N4BP2L2: variants seen among roughly 807,000 people sequenced by gnomAD.
N4BP2L2 encodes the protein NEDD4 binding protein 2 like 2, also known as NEDD4-binding protein 2-like 2.
A neutral mutation model predicts 56.2 loss-of-function variants in N4BP2L2; 50 were observed. The observed-to-expected ratio is 0.89, with a 90% CI of 0.71 to 1.13. N4BP2L2 has a LOEUF of 1.13. Ranked by LOEUF, N4BP2L2 falls within the 50% of genes most tolerant of loss-of-function variation. The probability of loss-of-function intolerance (pLI) is 0.00; values close to 1 mark genes in which losing one functional copy is unlikely to be tolerated. For missense variants in N4BP2L2, 689 were observed against 693.8 expected, an observed-to-expected ratio of 0.99 and a Z score of 0.08; for synonymous variants, 203 against 223.6, an observed-to-expected ratio of 0.91 and a Z score of 0.82.
chr13:32,536,781 G>T (rs980564944), exon 2 of N4BP2L2: 2 of 1,614,132 alleles, frequency 1.2e-6, no homozygotes, highest in Non-Finnish European at 1.7e-6. Flanking sequence ...ATCTCATCAT[G>T]CAAAGGTCTA....
intron 2 of N4BP2L2, among the ~76,000 whole-genome samples, chr13:32,529,634 A>G (rs2054052727): frequency 6.7e-6 from 1 of 149,648 alleles, no homozygotes; most frequent in Admixed American, 6.7e-5. Context: ...CACCTTGTCT[A>G]GATACTTTAT....
At chr13:32,529,637 T>C (rs2054054969) in intron 2 of N4BP2L2, among the ~76,000 whole-genome samples, 1 of 147,066 alleles carries the variant, frequency 6.8e-6, no homozygotes, top group Non-Finnish European at 1.5e-5. Flanking sequence ...CTTGTCTAGA[T>C]ACTTTATGCT....
chr13:32,451,761 G>C (rs986233772), intron 6 of N4BP2L2, among the ~76,000 whole-genome samples: 3 of 151,236 alleles, frequency 2.0e-5, no homozygotes, highest in African/African-American at 7.3e-5. Flanking sequence ...ATGTTCCCCA[G>C]GCTGGTCTTG....
At chr13:32,496,732 G>A (rs1207277651) in intron 6 of N4BP2L2, among the ~76,000 whole-genome samples, 2 of 151,996 alleles carry the variant, frequency 1.3e-5, no homozygotes, top group Non-Finnish European at 2.9e-5. Context: ...ATCCAAAACC[G>A]GTACTTATCT....
At chr13:32,472,629 T>C (rs1227281639) in intron 6 of N4BP2L2, among the ~76,000 whole-genome samples, 2 of 152,212 alleles carry the variant, frequency 1.3e-5, no homozygotes, top group African/African-American at 4.8e-5. Flanking sequence ...AAATATGGCC[T>C]ATTCAAAGTT....
At chr13:32,535,117 T>A (rs986481089) in intron 2 of N4BP2L2, among the ~76,000 whole-genome samples, 10 of 152,188 alleles carry the variant, frequency 6.6e-5, no homozygotes, top group African/African-American at 2.4e-4. Flanking sequence ...TTTCCTTGGG[T>A]CATCTCATTT....
chr13:32,525,488 T>G (rs563302592), intron 3 of N4BP2L2: 20 of 152,212 alleles, frequency 1.3e-4, no homozygotes, highest in Non-Finnish European at 2.2e-4. Flanking sequence ...TTCTACAAAG[T>G]TTTTTTAAAA....
At chr13:32,532,652 G>A (rs1323016486) in intron 2 of N4BP2L2, among the ~76,000 whole-genome samples, 3 of 145,304 alleles carry the variant, frequency 2.1e-5, no homozygotes, top group African/African-American at 7.7e-5. Flanking sequence ...GTGCAGTGGT[G>A]TGATCTCGGC....
intron 6 of N4BP2L2, among the ~76,000 whole-genome samples, chr13:32,496,539 C>T (rs140512038): frequency 1.1e-3 from 168 of 152,316 alleles, no homozygotes; most frequent in African/African-American, 3.9e-3. Flanking sequence ...TTCTCTTTTC[C>T]TCCCACTGCG....
intron 3 of N4BP2L2, among the ~76,000 whole-genome samples, chr13:32,526,282 C>G (rs139086836): frequency 5.9e-5 from 9 of 152,234 alleles, no homozygotes; most frequent in African/African-American, 1.9e-4. Context: ...TTGAGGACTT[C>G]GTTTGGATCC....
rs777380125 is a variant in N4BP2L2, at chr13:32,442,394, G to GA, written c.2097dup (p.Pro700SerfsTer8). ...GCAAAAGAAAACAACTTACCCATTG[G>GA]AACGCCTGGAGATCCAAAAAGCTTT... On this transcript the variant is annotated frameshift_variant, in exon 7 of 10. Transcript: ENST00000357505. LOFTEE classifies it high-confidence loss of function. 1 of 1,579,056 alleles carries GA rather than the reference G, an allele frequency of 6.3e-7. No homozygotes were observed. Among genetic ancestry groups the GA allele is most frequent in the African/African-American group, 1.4e-5 (1 of 73,272 alleles).
intron 2 of N4BP2L2, 60 bp from the exon 3 acceptor site, chr13:32,527,592 A>G (rs992658592): frequency 3.9e-6 from 6 of 1,533,992 alleles, no homozygotes; most frequent in Non-Finnish European, 5.2e-6. Context: ...TCAGAAATAA[A>G]CTATCAGAAA....
chr13:32,480,600 G>C (rs2084437867), intron 6 of N4BP2L2: 1 of 1,285,332 alleles, frequency 7.8e-7, no homozygotes, highest in Non-Finnish European at 1.0e-6. Context: ...CTGAGTTGCT[G>C]TCTTACTAGG....
intron 6 of N4BP2L2, chr13:32,477,732 T>C: frequency 2.0e-6 from 1 of 499,852 alleles, no homozygotes; most frequent in Non-Finnish European, 3.2e-6. Flanking sequence ...TTAGCTTAGA[T>C]GGAACCTTGA....
Position 32,538,741 on chromosome 13 carries a change from A to T in N4BP2L2, c.-124T>A, listed in dbSNP as rs893042028. ...CTAAAGCCGAGGTCTGGAGGGACTA[A>T]AAGCCCACCTCTCAGAATCGCGGTA... On this transcript the variant is annotated 5_prime_UTR_variant, in exon 1 of 6. Transcript: ENST00000267068. 9.1e-6 allele frequency: 9 copies of T among 985,360 alleles called. No homozygotes were observed. The African/African-American group carries it at 1.6e-4, about 17-fold the overall frequency. The allele number at this position is 985,360 out of a possible 1,614,324, so 61.0% of individuals were successfully genotyped here. A position where few individuals can be genotyped will look rare whatever the true frequency, so the allele number is the denominator to read the frequency against.
At chr13:32,490,979 C>G (rs2086935166) in intron 6 of N4BP2L2, among the ~76,000 whole-genome samples, 1 of 142,856 alleles carries the variant, frequency 7.0e-6, no homozygotes, top group Non-Finnish European at 1.5e-5. Context: ...AGTAAATCCT[C>G]ATTTTTCACC....
chr13:32,476,953 C>G (rs771405318), intron 6 of N4BP2L2, among the ~76,000 whole-genome samples: 2 of 152,166 alleles, frequency 1.3e-5, no homozygotes, highest in Admixed American at 6.5e-5. Flanking sequence ...GTTACTACTA[C>G]TGATAACTGA....
At chr13:32,509,576 C>G (rs766692387), downstream of N4BP2L2, among the ~76,000 whole-genome samples, 1 of 152,084 alleles carries the variant, frequency 6.6e-6, no homozygotes, top group African/African-American at 2.4e-5. Context: ...ATAACAAGAT[C>G]CCTGGTTTTA....
chr13:32,498,987 T>TAAA (rs34972549), intron 6 of N4BP2L2, among the ~76,000 whole-genome samples: 131 of 87,110 alleles, frequency 1.5e-3, no homozygotes, highest in African/African-American at 5.1e-3. Flanking sequence ...AGACTCTGTC[T>TAAA]AAAAAAAAAA....
Sources: allele counts gnomAD v4.1 joint callset (sites outside exome capture counted in the v4.1 genomes callset), GRCh38; gene constraint gnomAD v4.1.1; transcripts MANE v1.5; gene names NCBI Gene and HGNC (gene_info 2026-07-23, HGNC 2026-07-21).